Variants in TMEM131L observed in about 807,000 individuals in gnomAD.
TMEM131L encodes the protein transmembrane 131 like.
TMEM131L carries 54 observed loss-of-function variants against 192.2 expected under a neutral mutation model. The ratio of observed to expected loss-of-function variants is 0.28; its 90% CI spans 0.23 to 0.35. The LOEUF (loss-of-function observed/expected upper bound fraction) is 0.35. TMEM131L is among the 10% of genes least tolerant of loss of function. The pLI, the probability that TMEM131L is intolerant of heterozygous loss-of-function variation, is 1.00. For missense variants in TMEM131L, 1,888 were observed against 1,972.9 expected (o/e 0.96, Z 0.82); for synonymous variants, 701 against 704.9 (o/e 0.99, Z 0.09).
chr4:153,586,404 TG>T (rs749587210), intron 14 of TMEM131L, 25 bp downstream of exon 14: 1 of 1,516,976 alleles, frequency 6.6e-7, no homozygotes, highest in Non-Finnish European at 8.8e-7. Flanking sequence ...ACTATATGTG[TG>T]TTACAGTTTT....
chr4:153,608,741 A>G (rs1459075919), intron 25 of TMEM131L, among the ~76,000 whole-genome samples: 1 of 152,246 alleles, frequency 6.6e-6, no homozygotes. Context: ...GGTTTATTCA[A>G]AACAGACCAC....
At chr4:153,605,687 A>T (rs1485800870) in intron 25 of TMEM131L, among the ~76,000 whole-genome samples, 1 of 152,238 alleles carries the variant, frequency 6.6e-6, no homozygotes, top group Non-Finnish European at 1.5e-5. Flanking sequence ...TTTAATCTGG[A>T]AAACTCAGTC....
chr4:153,603,723 T>C lies in TMEM131L; in HGVS notation c.2790-79T>C. ...ACACTCAGTACTGATTGCTACCCTT[T>C]TCTCATGGATATGGAAGCAGACAAG... On this transcript the variant is annotated intron_variant, in intron 24 of 34. Transcript: ENST00000409959. 5 of 1,442,686 alleles carry C rather than the reference T, an allele frequency of 3.5e-6. No individual in the cohort carries two copies. In the South Asian group the frequency reaches 6.9e-5, roughly 20 times the overall value. The allele number at this position is 1,442,686 out of a possible 1,614,324, so 89.4% of individuals were successfully genotyped here. A position where few individuals can be genotyped will look rare whatever the true frequency, so the allele number is the denominator to read the frequency against.
At chr4:153,587,942 T>C in intron 15 of TMEM131L, 131 bp downstream of exon 15, 1 of 714,952 alleles carries the variant, frequency 1.4e-6, no homozygotes, top group Non-Finnish European at 2.5e-6. Flanking sequence ...AGGATGATCA[T>C]TAACAGAATG....
chr4:153,540,067 C>T (rs900058845), intron 3 of TMEM131L, among the ~76,000 whole-genome samples: 5 of 151,794 alleles, frequency 3.3e-5, no homozygotes, highest in Admixed American at 6.6e-5. Context: ...GCTGAGATCG[C>T]GCCACTGCCC....
At chr4:153,574,415 C>T (rs1166648584) in intron 7 of TMEM131L, among the ~76,000 whole-genome samples, 1 of 152,082 alleles carries the variant, frequency 6.6e-6, no homozygotes, top group Non-Finnish European at 1.5e-5. Flanking sequence ...TGCTGTTATG[C>T]AGGAAACACT....
At position 153,613,655 on chromosome 4, in the gene TMEM131L, G is replaced by T. The variant is rs567415615; in HGVS notation, c.3567+1255G>T. Among the ~76,000 whole-genome samples, 12 of 151,998 alleles carry T rather than the reference G, an allele frequency of 7.9e-5. No individual in the cohort carries two copies. In the East Asian group the frequency reaches 1.2e-3, roughly 15 times the overall value. ...TATAAAATTGACCCTTACATTTTTA[G>T]TTAAAAATTATATATATTCCTAGTG... On this transcript the variant is annotated intron_variant, in intron 26 of 34. Transcript: ENST00000409959.
At position 153,620,872 on chromosome 4, in the gene TMEM131L, A is replaced by G. The variant is rs1733346432; in HGVS notation, c.3684A>G (p.Pro1228=). ...CRKNKKRGVA[P]VSRPPEQSDL... is the part of the protein sequence containing the mutation. The stretch of plus-strand genomic sequence containing the variant: ...AGAACAAGAAAAGGGGTGTTGCTCC[A>G]GTCTCAAGGTGCGTAATTCTTACTA... Residue 1228 remains proline (P), a synonymous_variant, in exon 27 of 35, where the codon CCA becomes CCG. Transcript: ENST00000409959. 1 of 1,588,624 alleles carries G rather than the reference A, an allele frequency of 6.3e-7. No homozygotes were observed. The highest frequency in any genetic ancestry group is 8.5e-7 in the Non-Finnish European group (1 of 1,172,408).
At chr4:153,626,044 C>A in intron 29 of TMEM131L, 103 bp from the exon 30 acceptor site, 2 of 645,718 alleles carry the variant, frequency 3.1e-6, no homozygotes, top group Non-Finnish European at 5.4e-6. Flanking sequence ...AGTGAAAAAT[C>A]AGTCATGCAT....
At chr4:153,494,879 C>T (rs115328298) in intron 3 of TMEM131L, among the ~76,000 whole-genome samples, 1 of 152,160 alleles carries the variant, frequency 6.6e-6, no homozygotes, top group East Asian at 1.9e-4. Flanking sequence ...CATTGGGTGA[C>T]CTGCCGGGGC....
intron 7 of TMEM131L, among the ~76,000 whole-genome samples, chr4:153,577,551 C>T (rs1052795209): frequency 4.6e-5 from 7 of 152,174 alleles, no homozygotes; most frequent in African/African-American, 1.2e-4. Context: ...CATAAAGGAA[C>T]GGGCATGGCT....
chr4:153,469,330 C>CAT (rs1730990546), intron 2 of TMEM131L, among the ~76,000 whole-genome samples: 2 of 152,006 alleles, frequency 1.3e-5, no homozygotes, highest in Non-Finnish European at 2.9e-5. Context: ...CACACACACA[C>CAT]ACACACACAC....
At chr4:153,565,767 A>C (rs188682239) in intron 7 of TMEM131L, among the ~76,000 whole-genome samples, 1 of 152,254 alleles carries the variant, frequency 6.6e-6, no homozygotes, top group African/African-American at 2.4e-5. Flanking sequence ...AATATTAAGT[A>C]GTTCTTTGAA....
intron 20 of TMEM131L, among the ~76,000 whole-genome samples, chr4:153,597,993 A>G (rs1412108870): frequency 3.3e-5 from 5 of 152,178 alleles, no homozygotes; most frequent in African/African-American, 1.2e-4. Context: ...CTGGAATTTC[A>G]ACTAATGAAA....
At chr4:153,612,023 C>CG (rs926898629) in intron 25 of TMEM131L, among the ~76,000 whole-genome samples, 7 of 151,928 alleles carry the variant, frequency 4.6e-5, no homozygotes, top group African/African-American at 1.2e-4. Flanking sequence ...GGTGTCCCCC[C>CG]CCACCTTTTT....
intron 2 of TMEM131L, among the ~76,000 whole-genome samples, chr4:153,472,930 G>C (rs1038101997): frequency 3.3e-5 from 5 of 152,226 alleles, no homozygotes; most frequent in African/African-American, 1.2e-4. Flanking sequence ...GCTTTGGAGA[G>C]GTCAGCTAAG....
intron 25 of TMEM131L, among the ~76,000 whole-genome samples, chr4:153,611,454 T>C (rs1240230868): frequency 1.3e-5 from 2 of 152,254 alleles, no homozygotes; most frequent in Non-Finnish European, 2.9e-5. Context: ...AAAACATGTA[T>C]ATATAAAATA....
chr4:153,497,017 T>A (rs1733222017), intron 3 of TMEM131L, among the ~76,000 whole-genome samples: 1 of 152,052 alleles, frequency 6.6e-6, no homozygotes, highest in African/African-American at 2.4e-5. Context: ...CGTGCCCTCA[T>A]GCCCAGCTAG....
rs139071009 is a variant in TMEM131L, at chr4:153,624,399, G to T, written c.4045+1316G>T. Reference sequence around the variant, plus strand: ...CTCCCAAAGTGCCGGGATTACAGGCGTGGGCCACTGCGCCCGGCCTACTCA... The same window carrying T: ...CTCCCAAAGTGCCGGGATTACAGGCTTGGGCCACTGCGCCCGGCCTACTCA... On this transcript the variant is annotated intron_variant, in intron 29 of 34. Coordinates refer to ENST00000409959, the MANE Select transcript of TMEM131L (RefSeq NM_001131007.2). Among the ~76,000 whole-genome samples, 150 of 152,326 alleles carry T rather than the reference G, an allele frequency of 9.8e-4. 1 individual carries two copies. Among genetic ancestry groups the T allele is most frequent in the African/African-American group, 3.3e-3 (139 of 41,578 alleles).
Sources: gnomAD v4.1 joint callset for allele counts (sites outside exome capture counted in the v4.1 genomes callset) on GRCh38, gnomAD v4.1.1 for gene constraint, MANE v1.5 for transcripts, NCBI Gene and HGNC (gene_info 2026-07-23, HGNC 2026-07-21) for gene names.